Variants in SGPP1 observed in about 807,000 individuals in gnomAD.
The protein encoded by SGPP1 is hSPP1.
A neutral mutation model predicts 33.0 loss-of-function variants in SGPP1; 21 were observed. The observed-to-expected ratio is 0.64, with a 90% CI of 0.45 to 0.92. SGPP1 has a LOEUF of 0.92. Ranked by LOEUF, SGPP1 falls within the 40% of genes least tolerant of loss-of-function variation. The probability of loss-of-function intolerance (pLI) is 0.00; values close to 1 mark genes in which losing one functional copy is unlikely to be tolerated. For missense variants in SGPP1, 543 were observed against 589.4 expected, an observed-to-expected ratio of 0.92 and a Z score of 0.81; for synonymous variants, 239 against 241.2, an observed-to-expected ratio of 0.99 and a Z score of 0.08.
At position 63,727,849 on chromosome 14, in the gene SGPP1, C is replaced by A. The variant is rs757772840; in HGVS notation, c.96G>T (p.Pro32=). ...CCCTCCGGTCTGCTGAGCGGCGCGG[C>A]GGCGCTTCCACCCCGCACAGCCGCT... ...RFQRLCGVEA[P]PRRSADRRED... is the part of the protein sequence containing the mutation. The change falls in exon 1 of 3, where the codon CCG becomes CCT. Residue 32 remains proline, a synonymous_variant. Transcript: ENST00000247225. The A allele has an allele frequency of 2.4e-5, 37 of 1,519,690 alleles. No individual in the cohort carries two copies. Among genetic ancestry groups the A allele is most frequent in the Non-Finnish European group, 3.2e-5 (37 of 1,140,048 alleles). The allele number at this position is 1,519,690 out of a possible 1,614,324, so 94.1% of individuals were successfully genotyped here. A position where few individuals can be genotyped will look rare whatever the true frequency, so the allele number is the denominator to read the frequency against.
Position 63,686,213 on chromosome 14 carries a change from T to C in SGPP1, c.1218A>G (p.Arg406=), listed in dbSNP as rs780701377. ...NIPCDDIRKA[R]QHMEVELPYR... ...AAGGAAGTTCAACTTCCATGTGCTG[T>C]CTTGCTTTTCGAATATCATCACACG... is the stretch of plus-strand genomic sequence containing the variant. The change falls in exon 3 of 3, where the codon AGA becomes AGG. Residue 406 remains arginine, a synonymous_variant. Coordinates refer to ENST00000247225, the MANE Select transcript of SGPP1 (RefSeq NM_030791.4). 3.1e-6 allele frequency: 5 copies of C among 1,614,132 alleles called. No individual in the cohort carries two copies. The South Asian group carries it at 5.5e-5, about 18-fold the overall frequency.
rs1885691761 is a variant in SGPP1 at position 63,718,987 on chromosome 14, TATATATATATATATATATATATATA to T, written c.684+8249_684+8273del. Among the ~76,000 whole-genome samples, 4 of 16,062 alleles carry T rather than the reference TATATATATATATATATATATATATA, an allele frequency of 2.5e-4. No individual in the cohort carries two copies. In the South Asian group the frequency reaches 5.0e-3, roughly 20 times the overall value. 10.5% of individuals were successfully genotyped at this position (16,062 alleles called of 152,430 possible). On this transcript the variant is annotated intron_variant, in intron 1 of 2. Coordinates refer to ENST00000247225, the MANE Select transcript of SGPP1 (RefSeq NM_030791.4). ...ATATATATGTATATACATATATATATATATATATATATATATATATATATATATTTTTTTTTTTTTTTTTTTTTTT... is the reference window on the plus strand; with the variant it reads ...ATATATATGTATATACATATATATATTATTTTTTTTTTTTTTTTTTTTTTT...
At chr14:63,696,449 A>G (rs1885187701) in intron 2 of SGPP1, among the ~76,000 whole-genome samples, 1 of 152,208 alleles carries the variant, frequency 6.6e-6, no homozygotes, top group Non-Finnish European at 1.5e-5. Flanking sequence ...ATGCATAACC[A>G]TTTGGTAGTT....
chr14:63,705,632 C>T (rs1038616012), intron 1 of SGPP1, among the ~76,000 whole-genome samples: 2 of 151,928 alleles, frequency 1.3e-5, no homozygotes, highest in Non-Finnish European at 2.9e-5. Flanking sequence ...CATGCCATTG[C>T]GTTCTAGCCT....
At chr14:63,698,170 A>T (rs1292922653) in intron 2 of SGPP1, among the ~76,000 whole-genome samples, 1 of 152,222 alleles carries the variant, frequency 6.6e-6, no homozygotes, top group Non-Finnish European at 1.5e-5. Context: ...TGGCCCCTGG[A>T]AAGTTTAAGT....
chr14:63,712,332 A>C lies in SGPP1; in HGVS notation c.685-13674T>G, dbSNP rs139141560. On this transcript the variant is annotated intron_variant, in intron 1 of 2. Transcript: ENST00000247225. ...TTCACTTCTGGCTTCCCTCTGTACT[A>C]CATTCATTTTATGATACTGTCCAAT... Among the ~76,000 whole-genome samples the C allele has an allele frequency of 4.4e-3, 658 of 150,772 alleles. 7 individuals carry two copies. The highest frequency in any genetic ancestry group is 0.015 in the African/African-American group (605 of 40,996).
intron 2 of SGPP1, 90 bp from the exon 3 acceptor site, chr14:63,686,746 G>A: frequency 1.1e-6 from 1 of 925,304 alleles, no homozygotes; most frequent in Non-Finnish European, 1.5e-6. Flanking sequence ...TTCAAATGTT[G>A]AATATACATA....
At chr14:63,726,806 A>C (rs1420672198) in intron 1 of SGPP1, among the ~76,000 whole-genome samples, 3 of 152,224 alleles carry the variant, frequency 2.0e-5, no homozygotes, top group African/African-American at 7.2e-5. Flanking sequence ...AACGTTTTGT[A>C]AACACTGTCT....
At chr14:63,702,248 C>T (rs541682044) in intron 1 of SGPP1, among the ~76,000 whole-genome samples, 2 of 152,268 alleles carry the variant, frequency 1.3e-5, no homozygotes, top group East Asian at 3.9e-4. Flanking sequence ...GATGCAGAGG[C>T]TAAAGAAGCT....
chr14:63,694,771 A>G (rs936762597), intron 2 of SGPP1, among the ~76,000 whole-genome samples: 1 of 152,218 alleles, frequency 6.6e-6, no homozygotes, highest in Non-Finnish European at 1.5e-5. Flanking sequence ...TCAAAGTAGC[A>G]AATTTTCTAA....
intron 2 of SGPP1, among the ~76,000 whole-genome samples, chr14:63,689,832 T>C (rs1009116857): frequency 6.6e-6 from 1 of 152,164 alleles, no homozygotes; most frequent in Non-Finnish European, 1.5e-5. Flanking sequence ...TTTTGCTTCT[T>C]TCTGAGCTTT....
At chr14:63,707,317 C>T (rs890277742) in intron 1 of SGPP1, among the ~76,000 whole-genome samples, 1 of 151,838 alleles carries the variant, frequency 6.6e-6, no homozygotes. Context: ...TATAATCTTA[C>T]GTTAAAAAAA....
At chr14:63,691,559 TG>T (rs958988699) in intron 2 of SGPP1, among the ~76,000 whole-genome samples, 1 of 152,190 alleles carries the variant, frequency 6.6e-6, no homozygotes, top group Admixed American at 6.5e-5. Context: ...CTGCTATGAC[TG>T]TTTTCCATTC....
At chr14:63,711,728 C>T (rs1885527502) in intron 1 of SGPP1, among the ~76,000 whole-genome samples, 1 of 152,120 alleles carries the variant, frequency 6.6e-6, no homozygotes, top group African/African-American at 2.4e-5. Flanking sequence ...ATGTTTTGAT[C>T]ATTTTTGATC....
At chr14:63,716,226 G>C (rs1174438094) in intron 1 of SGPP1, among the ~76,000 whole-genome samples, 1 of 152,146 alleles carries the variant, frequency 6.6e-6, no homozygotes, top group African/African-American at 2.4e-5. Context: ...AATTGGCTGG[G>C]CAAGGTACTG....
At position 63,686,598 on chromosome 14, in the gene SGPP1, A is replaced by G; in HGVS notation, c.833T>C (p.Val278Ala). Residue 278 changes from valine (V) to alanine (A), a missense_variant, in exon 3 of 3, where the codon GTG becomes GCG. Coordinates refer to ENST00000247225, the MANE Select transcript of SGPP1 (RefSeq NM_030791.4). ...ILILAVFYPF[V>A]DLIDNFNQTH... Reference sequence around the variant, plus strand: ...TTGGTTGAAGTTGTCAATCAGGTCCACAAATGGATAGAAGACAGCTAAGAT... The same window carrying G: ...TTGGTTGAAGTTGTCAATCAGGTCCGCAAATGGATAGAAGACAGCTAAGAT... 6.2e-7 allele frequency: 1 copy of G among 1,613,790 alleles called. No individual in the cohort carries two copies. The highest frequency in any genetic ancestry group is 8.5e-7 in the Non-Finnish European group (1 of 1,179,738).
intron 1 of SGPP1, among the ~76,000 whole-genome samples, chr14:63,727,029 G>A: frequency 6.6e-6 from 1 of 152,104 alleles, no homozygotes; most frequent in East Asian, 1.9e-4. Flanking sequence ...TGGGTTCTAA[G>A]GCATTAAATT....
intron 2 of SGPP1, among the ~76,000 whole-genome samples, chr14:63,691,340 CATT>C (rs1340248048): frequency 6.6e-6 from 1 of 152,172 alleles, no homozygotes; most frequent in African/African-American, 2.4e-5. Context: ...TTTTGTCTAT[CATT>C]AAGTTTCATT....
Position 63,685,406 on chromosome 14 carries a change from T to A in SGPP1, c.*699A>T, listed in dbSNP as rs1467997743. The A allele has an allele frequency of 1.3e-5, 2 of 152,166 alleles. No homozygotes were observed. Among genetic ancestry groups the A allele is most frequent in the Admixed American group, 1.3e-4 (2 of 15,234 alleles). 9.4% of individuals were successfully genotyped at this position (152,166 alleles called of 1,614,324 possible). ...CAGTACCTGAATTATTAAACTGACA[T>A]CCAGAATAGCTGCAAATAAAGTTCA... On this transcript the variant is annotated 3_prime_UTR_variant, in exon 3 of 3. Coordinates refer to ENST00000247225, the MANE Select transcript of SGPP1 (RefSeq NM_030791.4).
Sources: gnomAD v4.1 joint callset for allele counts (sites outside exome capture counted in the v4.1 genomes callset) on GRCh38, gnomAD v4.1.1 for gene constraint, MANE v1.5 for transcripts, NCBI Gene and HGNC (gene_info 2026-07-23, HGNC 2026-07-21) for gene names.